Variants in NOX4 observed in about 807,000 individuals in gnomAD.
NOX4 encodes the protein kidney oxidase-1.
In NOX4, 69 loss-of-function variants were observed where a neutral mutation model predicts 87.6. That is an observed-to-expected ratio of 0.79 (90% CI 0.65 to 0.96). The LOEUF (loss-of-function observed/expected upper bound fraction) is 0.96, where lower values mean the gene tolerates loss of function less well. Among genes scored for constraint, NOX4 ranks in the 40% least tolerant of loss-of-function variants. The probability of loss-of-function intolerance (pLI) is 0.00; values close to 1 mark genes in which losing one functional copy is unlikely to be tolerated. For missense variants in NOX4, 680 were observed against 681.5 expected, an observed-to-expected ratio of 1.00 and a Z score of 0.02; for synonymous variants, 275 against 238.2, an observed-to-expected ratio of 1.15 and a Z score of -1.42.
rs184356020 is a variant in NOX4, at chr11:89,426,676, G to A, written c.549-4694C>T. On this transcript the variant is annotated intron_variant, in intron 7 of 17. Coordinates refer to ENST00000263317, the MANE Select transcript of NOX4 (RefSeq NM_016931.5). ...GCAAGGCAGCAGCAAGGCTTGGGGAGGGGCGCCCACCATTGCTGAAGCTTG... is the reference window on the plus strand; with the variant it reads ...GCAAGGCAGCAGCAAGGCTTGGGGAAGGGCGCCCACCATTGCTGAAGCTTG... 3.4e-3 allele frequency among the ~76,000 whole-genome samples: 514 copies of A among 152,232 alleles called. 14 individuals carry two copies. The highest frequency in any genetic ancestry group is 0.025 in the Admixed American group (375 of 15,288).
At chr11:89,400,192 A>G (rs1462777887) in intron 10 of NOX4, 23 bp downstream of exon 10, 1 of 1,606,140 alleles carries the variant, frequency 6.2e-7, no homozygotes. Context: ...GGCTATTTAA[A>G]AAGTTGCTGA....
the NOX4 span, chr11:89,589,385 A>G: frequency 6.6e-6 from 1 of 152,228 alleles, no homozygotes; most frequent in African/African-American, 2.4e-5. Flanking sequence ...ACCAGAGAAT[A>G]TGGCAGTAGA....
intron 6 of NOX4, 95 bp downstream of exon 6, chr11:89,440,593 G>A (rs1944412589): frequency 1.3e-6 from 1 of 743,564 alleles, no homozygotes; most frequent in Non-Finnish European, 2.1e-6. Context: ...CCAAAGTGCT[G>A]GGAATACAGG....
intron 2 of NOX4, among the ~76,000 whole-genome samples, chr11:89,462,165 A>T (rs1157625867): frequency 1.3e-5 from 2 of 152,138 alleles, no homozygotes; most frequent in Non-Finnish European, 2.9e-5. Context: ...TAAAAAACTT[A>T]ACAAAAAAAC....
chr11:89,370,169 A>AT (rs1425944010), intron 12 of NOX4, among the ~76,000 whole-genome samples: 2 of 151,976 alleles, frequency 1.3e-5, no homozygotes, highest in African/African-American at 4.8e-5. Context: ...CTGTCTTCTC[A>AT]TTTTTAATCC....
At chr11:89,380,486 G>T (rs1021193966) in intron 11 of NOX4, among the ~76,000 whole-genome samples, 2 of 152,004 alleles carry the variant, frequency 1.3e-5, no homozygotes, top group Non-Finnish European at 2.9e-5. Context: ...GCTGAGAGAG[G>T]GAGCAGTAGC....
At chr11:89,496,755 C>A (rs1430474423), upstream of NOX4, among the ~76,000 whole-genome samples, 1 of 152,088 alleles carries the variant, frequency 6.6e-6, no homozygotes, top group Non-Finnish European at 1.5e-5. Context: ...ATACTGACTG[C>A]CTTCAGCTTC....
At chr11:89,578,939 T>G in the NOX4 span, among the ~76,000 whole-genome samples, 30 of 152,158 alleles carry the variant, frequency 2.0e-4, no homozygotes, top group African/African-American at 6.5e-4. Context: ...GATAAACAAA[T>G]TGCAGCACTT....
chr11:89,515,508 A>G, the NOX4 span, among the ~76,000 whole-genome samples: 1 of 150,910 alleles, frequency 6.6e-6, no homozygotes, highest in Non-Finnish European at 1.5e-5. Flanking sequence ...AATTTTTTTC[A>G]CATTCTGTGT....
intron 2 of NOX4, among the ~76,000 whole-genome samples, chr11:89,469,826 T>A (rs1945852502): frequency 6.6e-6 from 1 of 152,200 alleles, no homozygotes; most frequent in Non-Finnish European, 1.5e-5. Flanking sequence ...TGACAAAGGC[T>A]TCTCATATTG....
rs529462615 is a variant in NOX4 at position 89,417,748 on chromosome 11, T to C, written c.629+4154A>G. Among the ~76,000 whole-genome samples, 425 of 152,234 alleles carry C rather than the reference T, an allele frequency of 2.8e-3. 4 individuals are homozygous for C. Among genetic ancestry groups the C allele is most frequent in the African/African-American group, 9.6e-3 (399 of 41,568 alleles). On this transcript the variant is annotated intron_variant, in intron 8 of 17. Transcript: ENST00000263317. ...CTATAAGTATTGGTACTAGTATAAT[T>C]TGTTCTTACTAACATTTATTAAGTA... is the stretch of plus-strand genomic sequence containing the variant.
the NOX4 span, among the ~76,000 whole-genome samples, chr11:89,515,977 T>C: frequency 6.6e-6 from 1 of 152,130 alleles, no homozygotes. Context: ...AATAAATTTG[T>C]TGTTACACCT....
chr11:89,397,772 T>G (rs542360019), intron 11 of NOX4, among the ~76,000 whole-genome samples: 1 of 151,336 alleles, frequency 6.6e-6, no homozygotes, highest in Non-Finnish European at 1.5e-5. Flanking sequence ...CAGGAAGAAG[T>G]TGAATCCCTG....
rs1945197695 is a variant in NOX4 at position 89,325,832 on chromosome 11, A to G, written c.*924T>C. ...AAACCCTACCTGGGAAAAAAACAATAATAATAATAGAGACAAAAATGCTGA... is the reference window on the plus strand; with the variant it reads ...AAACCCTACCTGGGAAAAAAACAATGATAATAATAGAGACAAAAATGCTGA... On this transcript the variant is annotated 3_prime_UTR_variant, in exon 18 of 18. Coordinates refer to ENST00000263317, the MANE Select transcript of NOX4 (RefSeq NM_016931.5). The G allele has an allele frequency of 6.6e-6, 1 of 150,882 alleles. No homozygotes were observed. The highest frequency in any genetic ancestry group is 1.5e-5 in the Non-Finnish European group (1 of 67,712). The allele number at this position is 150,882 out of a possible 1,614,324, so 9.3% of individuals were successfully genotyped here.
chr11:89,378,371 A>G (rs1375984374), intron 11 of NOX4, among the ~76,000 whole-genome samples: 1 of 152,146 alleles, frequency 6.6e-6, no homozygotes, highest in Non-Finnish European at 1.5e-5. Context: ...GGCTTATCTT[A>G]AAGCCATCAT....
intron 5 of NOX4, among the ~76,000 whole-genome samples, chr11:89,443,020 G>T (rs533594981): frequency 6.6e-6 from 1 of 152,082 alleles, no homozygotes; most frequent in Non-Finnish European, 1.5e-5. Context: ...CATGTGAAGC[G>T]CTGTCACTGG....
At chr11:89,342,772 C>T (rs979203724) in intron 13 of NOX4, among the ~76,000 whole-genome samples, 33 of 152,096 alleles carry the variant, frequency 2.2e-4, no homozygotes, top group African/African-American at 7.7e-4. Context: ...ACAAAGGAAG[C>T]TCTGCAGCTC....
At chr11:89,483,429 A>G (rs1946471516) in intron 2 of NOX4, among the ~76,000 whole-genome samples, 1 of 152,136 alleles carries the variant, frequency 6.6e-6, no homozygotes, top group Admixed American at 6.6e-5. Context: ...AAAAGAAGGA[A>G]ATCCTGCCAT....
chr11:89,572,615 T>A, the NOX4 span, among the ~76,000 whole-genome samples: 1 of 152,174 alleles, frequency 6.6e-6, no homozygotes, highest in Non-Finnish European at 1.5e-5. Flanking sequence ...AGTGGCACAA[T>A]CTAGGCTCAC....
Sources: gnomAD v4.1 joint callset for allele counts (sites outside exome capture counted in the v4.1 genomes callset) on GRCh38, gnomAD v4.1.1 for gene constraint, MANE v1.5 for transcripts, NCBI Gene and HGNC (gene_info 2026-07-23, HGNC 2026-07-21) for gene names.